ARNT2: variants seen among roughly 807,000 people sequenced by gnomAD.
ARNT2 encodes ARNT protein 2.
In ARNT2, 36 loss-of-function variants were observed where a neutral mutation model predicts 91.7. That is an observed-to-expected ratio of 0.39 (90% CI 0.30 to 0.52). ARNT2 has a LOEUF of 0.52. Among genes scored for constraint, ARNT2 ranks in the 20% least tolerant of loss-of-function variants. The pLI is 0.72. For synonymous variants in ARNT2, 365 were observed against 347.1 expected, an observed-to-expected ratio of 1.05 and a Z score of -0.57; for missense variants, 775 against 939.3, an observed-to-expected ratio of 0.83 and a Z score of 2.29.
chr15:80,455,340 G>A (rs1410441000), intron 2 of ARNT2, among the ~76,000 whole-genome samples: 1 of 152,182 alleles, frequency 6.6e-6, no homozygotes, highest in Non-Finnish European at 1.5e-5. Flanking sequence ...GCTGATGGCT[G>A]TACACATGCA....
chr15:80,414,309 C>T (rs771212082), intron 1 of ARNT2, among the ~76,000 whole-genome samples: 2 of 152,178 alleles, frequency 1.3e-5, no homozygotes, highest in African/African-American at 2.4e-5. Context: ...GTGCACAGGG[C>T]AGCCCCCACA....
In ARNT2 at chr15:80,597,517, G is replaced by GCACCA. The variant is rs1459400002; in HGVS notation, c.*3823_*3827dup. The GCACCA allele has an allele frequency of 1.3e-5, 4 of 310,492 alleles. No homozygotes were observed. The highest frequency in any genetic ancestry group is 2.6e-5 in the Non-Finnish European group (4 of 155,518). The allele number at this position is 310,492 out of a possible 1,614,324, so 19.2% of individuals were successfully genotyped here. On this transcript the variant is annotated 3_prime_UTR_variant, in exon 19 of 19. Coordinates refer to ENST00000303329, the MANE Select transcript of ARNT2 (RefSeq NM_014862.4). ...CTGGAGTCTGGGGCAACTTAAGGAG[G>GCACCA]CACCACACAGTGGTGCAGGCACATT...
At chr15:80,581,125 G>A (rs1898790159) in intron 16 of ARNT2, 114 bp from the exon 17 acceptor site, 6 of 1,261,184 alleles carry the variant, frequency 4.8e-6, no homozygotes, top group African/African-American at 1.5e-5. Context: ...GGGTCATGGG[G>A]AGTCACTGTC....
intron 1 of ARNT2, among the ~76,000 whole-genome samples, chr15:80,430,988 A>T (rs1895999633): frequency 6.6e-6 from 1 of 152,024 alleles, no homozygotes; most frequent in Non-Finnish European, 1.5e-5. Flanking sequence ...ATTCTGTCCC[A>T]GGGTTTTTTC....
At position 80,492,836 on chromosome 15, in the gene ARNT2, G is replaced by A. The variant is rs1054069973; in HGVS notation, c.623-15320G>A. Among the ~76,000 whole-genome samples, 39 of 152,086 alleles carry A rather than the reference G, an allele frequency of 2.6e-4. 1 individual carries two copies. The highest frequency in any genetic ancestry group is 4.8e-5 in the African/African-American group (2 of 41,406). ...CTGAAATCATGTTTTTCATCTAAAA[G>A]CAATCTTTCTTGGTCCGAGGTTATT... On this transcript the variant is annotated intron_variant, in intron 5 of 18. Coordinates refer to ENST00000303329, the MANE Select transcript of ARNT2 (RefSeq NM_014862.4).
chr15:80,571,869 G>A (rs1299208696), intron 12 of ARNT2, among the ~76,000 whole-genome samples: 1 of 152,222 alleles, frequency 6.6e-6, no homozygotes, highest in South Asian at 2.1e-4. Flanking sequence ...CCACTTGCCA[G>A]TTGGCCAACT....
intron 18 of ARNT2, among the ~76,000 whole-genome samples, chr15:80,593,292 G>C (rs1893313935): frequency 6.6e-6 from 1 of 152,224 alleles, no homozygotes; most frequent in African/African-American, 2.4e-5. Flanking sequence ...CTTGGGGCCA[G>C]CCTGGGGTCT....
rs1893287759 is a variant in ARNT2, at chr15:80,591,943, C to G, written c.2055+239C>G. Among the ~76,000 whole-genome samples, 1 of 152,156 alleles carries G rather than the reference C, an allele frequency of 6.6e-6. No homozygotes were observed. Among genetic ancestry groups the G allele is most frequent in the Non-Finnish European group, 1.5e-5 (1 of 68,016 alleles). On this transcript the variant is annotated intron_variant, in intron 18 of 18. Transcript: ENST00000303329. This position sits in a 1 kb window ranked among gnomAD's most constrained non-coding sequence, Gnocchi z 5.1. Reference sequence around the variant, plus strand: ...GAGCTAAGCCACACAATAGAGGAGGCTGCAGTTGGAGATGCTTCCCAGACT... The same window carrying G: ...GAGCTAAGCCACACAATAGAGGAGGGTGCAGTTGGAGATGCTTCCCAGACT...
At chr15:80,484,240 T>C (rs1374967621) in intron 5 of ARNT2, among the ~76,000 whole-genome samples, 53 of 151,510 alleles carry the variant, frequency 3.5e-4, no homozygotes, top group Admixed American at 3.5e-3. Context: ...TGTTATTGAG[T>C]TTCTGTTGTT....
intron 1 of ARNT2, among the ~76,000 whole-genome samples, chr15:80,430,504 G>A (rs900587963): frequency 6.6e-6 from 1 of 152,204 alleles, no homozygotes; most frequent in African/African-American, 2.4e-5. Flanking sequence ...ATAGCCCAGG[G>A]CTAGGAGGAA....
intron 1 of ARNT2, among the ~76,000 whole-genome samples, chr15:80,446,230 G>A (rs1240069741): frequency 2.6e-5 from 4 of 152,038 alleles, no homozygotes; most frequent in African/African-American, 9.7e-5. Flanking sequence ...TGGAAAAGAC[G>A]TTCTGTGCTA....
chr15:80,479,262 G>A (rs1404045487), intron 5 of ARNT2, among the ~76,000 whole-genome samples: 3 of 152,346 alleles, frequency 2.0e-5, no homozygotes, highest in South Asian at 2.1e-4. Context: ...AGCATCTGGG[G>A]TGAGGGTGAT....
At chr15:80,486,842 G>A (rs139641486) in intron 5 of ARNT2, among the ~76,000 whole-genome samples, 2,007 of 152,282 alleles carry the variant, frequency 0.013, 30 homozygotes, top group Non-Finnish European at 0.016. Context: ...GGGTGGTGTG[G>A]GATTTGATTT....
Position 80,596,927 on chromosome 15 carries a change from GTTT to G in ARNT2, c.*3231_*3233del. The G allele has an allele frequency of 2.8e-6, 1 of 356,994 alleles. No homozygotes were observed. Among genetic ancestry groups the G allele is most frequent in the Non-Finnish European group, 5.5e-6 (1 of 181,316 alleles). 22.1% of individuals were successfully genotyped at this position (356,994 alleles called of 1,614,324 possible). A position where few individuals can be genotyped will look rare whatever the true frequency, so the allele number is the denominator to read the frequency against. On this transcript the variant is annotated 3_prime_UTR_variant, in exon 19 of 19. Transcript: ENST00000303329. ...CTCTGTCCATGCGTCACTCCCCCCA[GTTT>G]TATTTTTAGCTTTGGCTTCAGGGAG...
chr15:80,546,471 A>G (rs932669598), intron 8 of ARNT2, among the ~76,000 whole-genome samples: 2 of 152,236 alleles, frequency 1.3e-5, no homozygotes, highest in Admixed American at 1.3e-4. Flanking sequence ...GAGAATGTAA[A>G]TGATGTATGT....
chr15:80,496,019 G>A (rs755153998), intron 5 of ARNT2, among the ~76,000 whole-genome samples: 9 of 152,134 alleles, frequency 5.9e-5, no homozygotes, highest in South Asian at 2.1e-4. Flanking sequence ...TGGTTTCATC[G>A]TTAAGTAGGA....
At chr15:80,468,543 T>C (rs1481811891) in intron 3 of ARNT2, among the ~76,000 whole-genome samples, 2 of 152,024 alleles carry the variant, frequency 1.3e-5, no homozygotes, top group African/African-American at 4.8e-5. Context: ...CTCCCCAAAA[T>C]AGACCTCCTC....
Position 80,508,140 on chromosome 15 carries a change from C to G in ARNT2, c.623-16C>G. 107 of 1,610,890 alleles carry G rather than the reference C, an allele frequency of 6.6e-5. No individual in the cohort carries two copies. Among genetic ancestry groups the G allele is most frequent in the Non-Finnish European group, 8.3e-5 (98 of 1,177,570 alleles). On this transcript the variant is annotated splice_polypyrimidine_tract_variant and intron_variant, in intron 5 of 18. Coordinates refer to ENST00000303329, the MANE Select transcript of ARNT2 (RefSeq NM_014862.4). ...GAAGGCAGAGGCTTACGTAACTGTC[C>G]TTCTCTCTCTCTTAGGCCGGATCTT...
intron 1 of ARNT2, among the ~76,000 whole-genome samples, chr15:80,421,267 G>A (rs992212582): frequency 2.9e-4 from 44 of 152,222 alleles, no homozygotes; most frequent in African/African-American, 1.0e-3. Flanking sequence ...TGGAGGGAGT[G>A]ACGGCTAAAA....
Sources: gnomAD v4.1 joint callset for allele counts (sites outside exome capture counted in the v4.1 genomes callset) on GRCh38, gnomAD v4.1.1 for gene constraint, Gnocchi (gnomAD v3.1) non-coding constraint, MANE v1.5 for transcripts, NCBI Gene and HGNC (gene_info 2026-07-23, HGNC 2026-07-21) for gene names.